The following C12orf56 variants were observed in gnomAD, a reference collection of about 807,000 sequenced individuals.
C12orf56 encodes the protein chromosome 12 open reading frame 56, also known as uncharacterized protein C12orf56.
In C12orf56, 71 loss-of-function variants were observed where a neutral mutation model predicts 69.9. The observed-to-expected ratio is 1.02, with a 90% CI of 0.84 to 1.24. C12orf56 has a LOEUF of 1.24. Ranked by LOEUF, C12orf56 falls within the 50% of genes most tolerant of loss-of-function variation. The probability of loss-of-function intolerance (pLI) is 0.00; values close to 1 mark genes in which losing one functional copy is unlikely to be tolerated. For synonymous variants in C12orf56, 276 were observed against 274.1 expected (o/e 1.01, Z -0.07); for missense variants, 732 against 738.5 (o/e 0.99, Z 0.10).
At position 64,277,009 on chromosome 12, in the gene C12orf56, A is replaced by AAAAAAAAAAAC. The variant is rs1483582212; in HGVS notation, c.1434+670_1434+671insGTTTTTTTTTT. On this transcript the variant is annotated intron_variant, in intron 9 of 12. Coordinates refer to ENST00000543942, the MANE Select transcript of C12orf56 (RefSeq NM_001170633.2). ...ACCCTTTCTTAAAAAAAAAAAAAAAAAAAAAAATTACTGAGTGAATGACTG... is the reference window on the plus strand; with the variant it reads ...ACCCTTTCTTAAAAAAAAAAAAAAAAAAAAAAAAAACAAAAAAATTACTGAGTGAATGACTG... Among the ~76,000 whole-genome samples the AAAAAAAAAAAC allele has an allele frequency of 7.9e-3, 1,175 of 149,634 alleles. 15 individuals are homozygous for AAAAAAAAAAAC. Among genetic ancestry groups the AAAAAAAAAAAC allele is most frequent in the Non-Finnish European group, 0.014 (913 of 67,176 alleles).
intron 1 of C12orf56, among the ~76,000 whole-genome samples, chr12:64,366,292 TTTATATA>T (rs1424494974): frequency 1.1e-5 from 1 of 91,166 alleles, no homozygotes; most frequent in African/African-American, 4.9e-5. Flanking sequence ...TAATATACAG[TTTATATA>T]TTATATATTA....
At chr12:64,331,363 T>G (rs1413349585) in intron 2 of C12orf56, among the ~76,000 whole-genome samples, 1 of 152,080 alleles carries the variant, frequency 6.6e-6, no homozygotes, top group Non-Finnish European at 1.5e-5. Flanking sequence ...TAGCTGAGTG[T>G]GGTGGTGTGC....
chr12:64,363,506 TTGGGGCACA>T (rs2039424736), intron 1 of C12orf56, among the ~76,000 whole-genome samples: 1 of 152,132 alleles, frequency 6.6e-6, no homozygotes. Context: ...TAAAAGTGTT[TTGGGGCACA>T]CGCTAGGGGC....
At chr12:64,380,124 AAAAAAAAAAACAAAAC>A (rs2039698092) in intron 1 of C12orf56, among the ~76,000 whole-genome samples, 2 of 90,232 alleles carry the variant, frequency 2.2e-5, no homozygotes, top group African/African-American at 3.9e-5. Flanking sequence ...AAAAAAAAAA[AAAAAAAAAAACAAAAC>A]AAACAAAAAA....
intron 6 of C12orf56, among the ~76,000 whole-genome samples, chr12:64,295,216 C>G (rs2038349389): frequency 6.6e-6 from 1 of 152,178 alleles, no homozygotes; most frequent in Non-Finnish European, 1.5e-5. Context: ...ACATAGAGAA[C>G]TATTTTATCT....
chr12:64,339,138 T>C (rs963488043), intron 2 of C12orf56, among the ~76,000 whole-genome samples: 4 of 152,198 alleles, frequency 2.6e-5, no homozygotes, highest in African/African-American at 9.7e-5. Flanking sequence ...TCTTTGGGTC[T>C]TCATTTCTCT....
intron 2 of C12orf56, among the ~76,000 whole-genome samples, chr12:64,342,356 T>G (rs1197442280): frequency 6.6e-6 from 1 of 152,294 alleles, no homozygotes; most frequent in East Asian, 1.9e-4. Flanking sequence ...TTCAGGGATG[T>G]CCGAGAAAGA....
intron 2 of C12orf56, among the ~76,000 whole-genome samples, chr12:64,344,271 C>T (rs1391956399): frequency 6.6e-6 from 1 of 152,172 alleles, no homozygotes; most frequent in East Asian, 1.9e-4. Flanking sequence ...ACCTCCCCTT[C>T]ATTCAAGGGG....
intron 1 of C12orf56, among the ~76,000 whole-genome samples, chr12:64,368,059 C>T (rs2039522231): frequency 6.6e-6 from 1 of 152,100 alleles, no homozygotes; most frequent in South Asian, 2.1e-4. Context: ...CCACCCGCCT[C>T]AGCCTCCCAA....
At chr12:64,368,134 C>G (rs762300479) in intron 1 of C12orf56, among the ~76,000 whole-genome samples, 1 of 151,934 alleles carries the variant, frequency 6.6e-6, no homozygotes, top group Non-Finnish European at 1.5e-5. Flanking sequence ...AGGTCTTGCT[C>G]TTTTGTTCAG....
At chr12:64,367,319 G>GTTTATATATTATATATAATATATAA in intron 1 of C12orf56, among the ~76,000 whole-genome samples, 1 of 127,310 alleles carries the variant, frequency 7.9e-6, no homozygotes, top group East Asian at 2.2e-4. Flanking sequence ...ATAATATATA[G>GTTTATATATTATATATAATATATAA]CTTATATAAT....
intron 1 of C12orf56, among the ~76,000 whole-genome samples, chr12:64,364,274 A>T (rs1017671721): frequency 6.6e-6 from 1 of 152,022 alleles, no homozygotes; most frequent in Admixed American, 6.6e-5. Context: ...TGAGAGTGAG[A>T]CCCTGCCTCA....
intron 6 of C12orf56, among the ~76,000 whole-genome samples, chr12:64,301,598 T>TA (rs1341410743): frequency 2.0e-5 from 3 of 152,194 alleles, no homozygotes; most frequent in Admixed American, 2.0e-4. Context: ...GTTAATCACT[T>TA]ACGTCTTTAG....
At chr12:64,283,741 A>G (rs1439610117) in intron 8 of C12orf56, among the ~76,000 whole-genome samples, 4 of 151,208 alleles carry the variant, frequency 2.6e-5, no homozygotes, top group Non-Finnish European at 5.9e-5. Context: ...GCCAGCTTAC[A>G]CTATAAGGAC....
Position 64,268,061 on chromosome 12 carries a change from A to C in C12orf56, c.1764-773T>G, listed in dbSNP as rs975483215. ...ACTTTGAGCATCATGTTGGTGTTCA[A>C]ATGATTTCGGATTTTGGAGCATTGC... On this transcript the variant is annotated intron_variant, in intron 12 of 12. Coordinates refer to ENST00000543942, the MANE Select transcript of C12orf56 (RefSeq NM_001170633.2). Among the ~76,000 whole-genome samples the C allele has an allele frequency of 2.0e-5, 3 of 152,140 alleles. No individual in the cohort carries two copies. The East Asian group carries it at 5.8e-4, about 29-fold the overall frequency.
At chr12:64,305,554 T>C (rs1254946627) in intron 5 of C12orf56, among the ~76,000 whole-genome samples, 2 of 152,264 alleles carry the variant, frequency 1.3e-5, no homozygotes, top group African/African-American at 4.8e-5. Context: ...GCTAATTTTT[T>C]GTATTTTTAG....
chr12:64,347,035 G>A (rs1291841355), intron 2 of C12orf56, among the ~76,000 whole-genome samples: 2 of 151,448 alleles, frequency 1.3e-5, no homozygotes, highest in African/African-American at 2.4e-5. Context: ...GAGTGCAGTG[G>A]CACGATCTCA....
chr12:64,361,595 T>C (rs553553463), intron 1 of C12orf56, among the ~76,000 whole-genome samples: 39 of 152,250 alleles, frequency 2.6e-4, no homozygotes, highest in African/African-American at 8.7e-4. Context: ...CCTCAGAAAG[T>C]TACCCTATAT....
intron 1 of C12orf56, among the ~76,000 whole-genome samples, chr12:64,357,732 C>A (rs1469475007): frequency 6.6e-6 from 1 of 151,780 alleles, no homozygotes; most frequent in African/African-American, 2.4e-5. Flanking sequence ...CCCCCCCAAT[C>A]TCTACTAAAA....
Sources: allele counts gnomAD v4.1 joint callset (sites outside exome capture counted in the v4.1 genomes callset), GRCh38; gene constraint gnomAD v4.1.1; transcripts MANE v1.5; gene names NCBI Gene and HGNC (gene_info 2026-07-23, HGNC 2026-07-21).